The following FGF12 variants were observed in gnomAD, a reference collection of about 807,000 sequenced individuals.
The protein encoded by FGF12 is fibroblast growth factor 12, also known as fibroblast growth factor 12B.
A neutral mutation model predicts 23.6 loss-of-function variants in FGF12; 14 were observed. The observed-to-expected ratio is 0.59, with a 90% CI of 0.39 to 0.93. The LOEUF (loss-of-function observed/expected upper bound fraction) is 0.93. Among genes scored for constraint, FGF12 ranks in the 40% least tolerant of loss-of-function variants. The pLI is 0.00. For missense variants in FGF12, 175 were observed against 217.8 expected (o/e 0.80, Z 1.24); for synonymous variants, 62 against 77.3 (o/e 0.80, Z 1.04).
Position 192,335,353 on chromosome 3 carries a change from G to A in FGF12, c.228+8C>T, listed in dbSNP as rs754984280. On this transcript the variant is annotated splice_region_variant and intron_variant, in intron 4 of 5. Coordinates refer to ENST00000445105, the MANE Select transcript of FGF12 (RefSeq NM_004113.6). ...CATACACACAAATACACACTACAAT[G>A]TACTTACTGAACTGTAGAGATAGCC... 6.4e-7 allele frequency: 1 copy of A among 1,571,684 alleles called. No individual in the cohort carries two copies. The highest frequency in any genetic ancestry group is 1.4e-5 in the African/African-American group (1 of 73,944).
chr3:192,500,448 G>A lies in FGF12; in HGVS notation c.14-139910C>T, dbSNP rs751715345. On this transcript the variant is annotated intron_variant, in intron 2 of 5. Coordinates refer to ENST00000445105, the MANE Select transcript of FGF12 (RefSeq NM_004113.6). ...TAATAAATCCAACATCCCCCCACCCGCCACACACACACAGAATAGTCAGGC... is the reference window on the plus strand; with the variant it reads ...TAATAAATCCAACATCCCCCCACCCACCACACACACACAGAATAGTCAGGC... 4.2e-3 allele frequency among the ~76,000 whole-genome samples: 629 copies of A among 149,342 alleles called. 1 individual carries two copies. Among genetic ancestry groups the A allele is most frequent in the Non-Finnish European group, 6.3e-3 (423 of 67,630 alleles).
rs397737736 is a variant in FGF12 at position 192,429,801 on chromosome 3, A to AG, written c.14-69264_14-69263insC. ...CTCTTAACGCCATTCTGGAAAAAAA[A>AG]TGCAGCTGGTGTATTTTGCTAGAAA... On this transcript the variant is annotated intron_variant, in intron 2 of 5. Coordinates refer to ENST00000445105, the MANE Select transcript of FGF12 (RefSeq NM_004113.6). Among the ~76,000 whole-genome samples the AG allele has an allele frequency of 2.0e-5, 3 of 152,002 alleles. No homozygotes were observed. The East Asian group carries it at 5.8e-4, about 29-fold the overall frequency.
At chr3:192,584,481 A>G (rs1713292492) in intron 2 of FGF12, among the ~76,000 whole-genome samples, 1 of 152,088 alleles carries the variant, frequency 6.6e-6, no homozygotes, top group Non-Finnish European at 1.5e-5. Flanking sequence ...CCTGAAGCAG[A>G]CTGCGATGGG....
At chr3:192,466,423 A>C (rs1723014047) in intron 2 of FGF12, among the ~76,000 whole-genome samples, 1 of 152,170 alleles carries the variant, frequency 6.6e-6, no homozygotes. Context: ...TTAAACATGT[A>C]ATAAATTCAC....
At chr3:192,269,379 T>C (rs989698123) in intron 4 of FGF12, among the ~76,000 whole-genome samples, 1 of 152,206 alleles carries the variant, frequency 6.6e-6, no homozygotes, top group Admixed American at 6.5e-5. Flanking sequence ...ATGTAATCAA[T>C]GTAGATACAG....
chr3:192,414,882 G>A lies in FGF12; in HGVS notation c.14-54344C>T, dbSNP rs79984262. ...AACAAGTATCCCCAATTCTCTCCCC[G>A]TGAAGCTCTTTCCTTTTTCTAGATG... On this transcript the variant is annotated intron_variant, in intron 2 of 5. Transcript: ENST00000445105. 2.7e-3 allele frequency among the ~76,000 whole-genome samples: 405 copies of A among 152,188 alleles called. 1 individual carries two copies. The highest frequency in any genetic ancestry group is 9.2e-3 in the African/African-American group (381 of 41,536).
intron 4 of FGF12, among the ~76,000 whole-genome samples, chr3:192,254,681 G>T (rs1278953760): frequency 6.6e-6 from 1 of 151,910 alleles, no homozygotes; most frequent in Non-Finnish European, 1.5e-5. Context: ...AAGATTCTCA[G>T]GCTAATGTAT....
chr3:192,691,858 A>G (rs1717954106), intron 2 of FGF12, among the ~76,000 whole-genome samples: 1 of 148,812 alleles, frequency 6.7e-6, no homozygotes, highest in Non-Finnish European at 1.5e-5. Context: ...CCTCAGAAAT[A>G]AAAAGGACAT....
chr3:192,421,758 G>A (rs1169846019), intron 2 of FGF12, among the ~76,000 whole-genome samples: 1 of 151,804 alleles, frequency 6.6e-6, no homozygotes, highest in Non-Finnish European at 1.5e-5. Flanking sequence ...ACCATGGCAT[G>A]TGTATACCTA....
At chr3:192,702,064 T>C (rs1718315318) in intron 2 of FGF12, among the ~76,000 whole-genome samples, 1 of 152,212 alleles carries the variant, frequency 6.6e-6, no homozygotes, top group African/African-American at 2.4e-5. Context: ...CTACTGTCTA[T>C]TTCTATGTAT....
At chr3:192,167,765 AT>A (rs1560175722) in intron 5 of FGF12, among the ~76,000 whole-genome samples, 597 of 32,368 alleles carry the variant, frequency 0.018, 75 homozygotes, top group East Asian at 0.15. Context: ...ATATATATAT[AT>A]ATAAAATTTT....
intron 4 of FGF12, among the ~76,000 whole-genome samples, chr3:192,315,791 G>A (rs1716198786): frequency 2.0e-5 from 3 of 152,170 alleles, no homozygotes; most frequent in Admixed American, 1.3e-4. Flanking sequence ...ATAAGCTACA[G>A]CAAGGCCATA....
chr3:192,495,407 ATAAT>A (rs1297446005), intron 2 of FGF12, among the ~76,000 whole-genome samples: 1 of 152,228 alleles, frequency 6.6e-6, no homozygotes, highest in African/African-American at 2.4e-5. Context: ...CATGCAGTAT[ATAAT>A]TGTTTTTATG....
intron 4 of FGF12, among the ~76,000 whole-genome samples, chr3:192,292,232 G>A (rs570912529): frequency 1.3e-5 from 2 of 152,118 alleles, no homozygotes; most frequent in African/African-American, 4.8e-5. Context: ...AAATCACGTG[G>A]TTTCTTTTCA....
intron 2 of FGF12, among the ~76,000 whole-genome samples, chr3:192,446,168 G>C (rs955310484): frequency 2.6e-5 from 4 of 152,174 alleles, no homozygotes; most frequent in African/African-American, 9.7e-5. Context: ...ACTATACCCA[G>C]ACACTGAACA....
At chr3:192,264,898 A>G (rs955880951) in intron 4 of FGF12, among the ~76,000 whole-genome samples, 3 of 152,086 alleles carry the variant, frequency 2.0e-5, no homozygotes, top group Non-Finnish European at 4.4e-5. Context: ...GTCTCTCTAA[A>G]TGTTCTGGTC....
chr3:192,538,504 G>C (rs543419160), intron 2 of FGF12, among the ~76,000 whole-genome samples: 5 of 152,288 alleles, frequency 3.3e-5, no homozygotes, highest in South Asian at 2.1e-4. Flanking sequence ...CCAGTACCAT[G>C]CTATTTTGGT....
chr3:192,598,419 T>TA (rs1405328554), intron 2 of FGF12, among the ~76,000 whole-genome samples: 3 of 152,156 alleles, frequency 2.0e-5, no homozygotes, highest in African/African-American at 7.2e-5. Flanking sequence ...TGGGTGTGTA[T>TA]TAGTGCTAGC....
At chr3:192,517,899 T>C (rs1724719080) in intron 2 of FGF12, among the ~76,000 whole-genome samples, 1 of 152,160 alleles carries the variant, frequency 6.6e-6, no homozygotes, top group African/African-American at 2.4e-5. Context: ...GTACAGTCTT[T>C]CTGAAGTATC....
Sources: gnomAD v4.1 joint callset for allele counts (sites outside exome capture counted in the v4.1 genomes callset) on GRCh38, gnomAD v4.1.1 for gene constraint, MANE v1.5 for transcripts, NCBI Gene and HGNC (gene_info 2026-07-23, HGNC 2026-07-21) for gene names.